The following TMEM117 variants were observed in gnomAD, a reference collection of about 807,000 sequenced individuals.
TMEM117 encodes transmembrane protein 117.
In TMEM117, 27 loss-of-function variants were observed where a neutral mutation model predicts 52.4. The ratio of observed to expected loss-of-function variants is 0.51; its 90% CI spans 0.38 to 0.71. TMEM117 has a LOEUF of 0.71. Among genes scored for constraint, TMEM117 ranks in the 30% least tolerant of loss-of-function variants. The pLI, the probability that TMEM117 is intolerant of heterozygous loss-of-function variation, is 0.00. For missense variants in TMEM117, 556 were observed against 630.5 expected (o/e 0.88, Z 1.26); for synonymous variants, 215 against 206.3 (o/e 1.04, Z -0.36).
intron 6 of TMEM117, among the ~76,000 whole-genome samples, chr12:44,325,208 A>C (rs1592694392): frequency 6.6e-6 from 1 of 152,198 alleles, no homozygotes; most frequent in African/African-American, 2.4e-5. Flanking sequence ...GTAATATAGA[A>C]CTGCATATTG....
At chr12:43,946,418 A>T (rs1310744293) in intron 3 of TMEM117, among the ~76,000 whole-genome samples, 1 of 135,166 alleles carries the variant, frequency 7.4e-6, no homozygotes, top group Non-Finnish European at 1.5e-5. Flanking sequence ...TCTAGAGCTA[A>T]TGAGGTCTGT....
intron 4 of TMEM117, among the ~76,000 whole-genome samples, chr12:44,186,119 C>T (rs1282347649): frequency 6.6e-6 from 1 of 152,136 alleles, no homozygotes; most frequent in Non-Finnish European, 1.5e-5. Context: ...AATGATTTGG[C>T]TAGAACCTCT....
rs116340376 is a variant in TMEM117 at position 44,348,495 on chromosome 12, C to A, written c.769-28100C>A. On this transcript the variant is annotated intron_variant, in intron 6 of 7. Transcript: ENST00000266534. ...AAGAGCCACAAATGAAGCAATATGC[C>A]CAAAACACATTCTGATAATACGTTC... Among the ~76,000 whole-genome samples the A allele has an allele frequency of 1.1e-3, 171 of 151,954 alleles. 1 individual carries two copies. Among genetic ancestry groups the A allele is most frequent in the African/African-American group, 4.0e-3 (164 of 41,478 alleles).
chr12:43,862,237 C>T (rs1320132092), intron 2 of TMEM117, among the ~76,000 whole-genome samples: 5 of 152,120 alleles, frequency 3.3e-5, no homozygotes, highest in East Asian at 1.9e-4. Flanking sequence ...GGTGTGCTCT[C>T]GGCTCACTGC....
At chr12:44,252,120 G>T (rs1473481986) in intron 5 of TMEM117, among the ~76,000 whole-genome samples, 1 of 152,156 alleles carries the variant, frequency 6.6e-6, no homozygotes, top group Non-Finnish European at 1.5e-5. Flanking sequence ...CTTGCTGCAT[G>T]CTTCGTCTCT....
chr12:44,019,654 A>T (rs1414536908), intron 3 of TMEM117, among the ~76,000 whole-genome samples: 1 of 152,102 alleles, frequency 6.6e-6, no homozygotes, highest in Non-Finnish European at 1.5e-5. Flanking sequence ...ATTAATTTTC[A>T]TTTATTCTAG....
intron 6 of TMEM117, among the ~76,000 whole-genome samples, chr12:44,309,919 A>G (rs117451349): frequency 1.4e-3 from 218 of 152,336 alleles, no homozygotes; most frequent in Non-Finnish European, 2.5e-3. Flanking sequence ...TAGGAAGTTT[A>G]GTGAATGACG....
chr12:44,133,247 A>C (rs996137480), intron 3 of TMEM117, among the ~76,000 whole-genome samples: 1 of 152,234 alleles, frequency 6.6e-6, no homozygotes, highest in Non-Finnish European at 1.5e-5. Flanking sequence ...CATGAGTGGC[A>C]GTAGCAGGCT....
intron 5 of TMEM117, among the ~76,000 whole-genome samples, chr12:44,225,363 A>C (rs116331704): frequency 6.6e-6 from 1 of 152,286 alleles, no homozygotes; most frequent in African/African-American, 2.4e-5. Context: ...CTTGGCATAC[A>C]TCTGAATTAC....
chr12:44,307,797 A>C (rs1950922481), intron 6 of TMEM117, among the ~76,000 whole-genome samples: 2 of 152,344 alleles, frequency 1.3e-5, no homozygotes, highest in South Asian at 4.1e-4. Context: ...AGTCTGCATG[A>C]AGTGCCAAGG....
rs113928096 is a variant in TMEM117 at position 44,279,103 on chromosome 12, C to G, written c.609-20477C>G. ...TTTGTGCCTATATATAATTGTTCCT[C>G]AAAATATTAATGCCAACTACTTTCT... On this transcript the variant is annotated intron_variant, in intron 5 of 7. Coordinates refer to ENST00000266534, the MANE Select transcript of TMEM117 (RefSeq NM_032256.3). Among the ~76,000 whole-genome samples the G allele has an allele frequency of 4.0e-3, 602 of 152,204 alleles. 7 individuals are homozygous for G. Among genetic ancestry groups the G allele is most frequent in the African/African-American group, 0.014 (576 of 41,542 alleles).
chr12:44,128,147 T>C lies in TMEM117; in HGVS notation c.411-15378T>C, dbSNP rs191724603. Among the ~76,000 whole-genome samples, 413 of 152,374 alleles carry C rather than the reference T, an allele frequency of 2.7e-3. 1 individual carries two copies. Among genetic ancestry groups the C allele is most frequent in the Non-Finnish European group, 4.4e-3 (302 of 68,032 alleles). On this transcript the variant is annotated intron_variant, in intron 3 of 7. Coordinates refer to ENST00000266534, the MANE Select transcript of TMEM117 (RefSeq NM_032256.3). The stretch of plus-strand genomic sequence containing the variant: ...ATATCCTCTGCCTCTCCAGCCTGCC[T>C]GCCTGCTGCACTGGGCATTCCAGCA...
chr12:43,864,616 G>A lies in TMEM117; in HGVS notation c.277+19688G>A, dbSNP rs1943551788. On this transcript the variant is annotated intron_variant, in intron 2 of 7. Transcript: ENST00000266534. Reference sequence around the variant, plus strand: ...CACTGTATCTAGCTAATCTAGTGGGGACGTGGAGAACTTTTGTGTCTAGCT... The same window carrying A: ...CACTGTATCTAGCTAATCTAGTGGGAACGTGGAGAACTTTTGTGTCTAGCT... 5.9e-5 allele frequency among the ~76,000 whole-genome samples: 9 copies of A among 152,042 alleles called. No individual in the cohort carries two copies. The South Asian group carries it at 1.9e-3, about 32-fold the overall frequency.
intron 1 of TMEM117, among the ~76,000 whole-genome samples, chr12:43,843,827 G>T (rs1292017743): frequency 1.3e-5 from 2 of 152,154 alleles, no homozygotes; most frequent in Non-Finnish European, 2.9e-5. Flanking sequence ...ACTCTCTATT[G>T]AAATTATTTG....
intron 5 of TMEM117, among the ~76,000 whole-genome samples, chr12:44,260,188 A>C (rs1565647365): frequency 6.6e-6 from 1 of 152,162 alleles, no homozygotes; most frequent in African/African-American, 2.4e-5. Context: ...AGATATCTGC[A>C]GGTTAGTGAA....
At chr12:43,836,783 A>T (rs1434745065) in intron 1 of TMEM117, among the ~76,000 whole-genome samples, 8 of 152,128 alleles carry the variant, frequency 5.3e-5, no homozygotes, top group East Asian at 1.9e-4. Flanking sequence ...ACAATGAAGT[A>T]TGTGTATGTG....
intron 5 of TMEM117, among the ~76,000 whole-genome samples, chr12:44,286,574 A>C (rs1950641608): frequency 6.6e-6 from 1 of 152,126 alleles, no homozygotes; most frequent in Non-Finnish European, 1.5e-5. Context: ...TGACTACTCA[A>C]GAAGTCTATC....
intron 2 of TMEM117, among the ~76,000 whole-genome samples, chr12:43,943,968 T>G (rs1367122040): frequency 6.6e-6 from 1 of 152,234 alleles, no homozygotes; most frequent in African/African-American, 2.4e-5. Context: ...CACTAGATTC[T>G]TGGATTAGTA....
chr12:44,185,958 C>T (rs1949272916), intron 4 of TMEM117, among the ~76,000 whole-genome samples: 1 of 151,936 alleles, frequency 6.6e-6, no homozygotes, highest in African/African-American at 2.4e-5. Context: ...TGCCTTTTCT[C>T]ACATGCATTC....
Sources: allele counts gnomAD v4.1 joint callset (sites outside exome capture counted in the v4.1 genomes callset), GRCh38; gene constraint gnomAD v4.1.1; transcripts MANE v1.5; gene names NCBI Gene and HGNC (gene_info 2026-07-23, HGNC 2026-07-21).